Variants in ZIC3 observed in about 807,000 individuals in gnomAD.
The protein encoded by ZIC3 is Zic family zinc finger 3.
In ZIC3, 6 loss-of-function variants were observed where a neutral mutation model predicts 18.3. The observed-to-expected ratio is 0.33, with a 90% CI of 0.18 to 0.65. The LOEUF is 0.65. Among genes scored for constraint, ZIC3 ranks in the 30% least tolerant of loss-of-function variants. ZIC3 has a pLI of 0.75. For missense variants in ZIC3, 260 were observed against 410.0 expected, an observed-to-expected ratio of 0.63 and a Z score of 3.16; for synonymous variants, 175 against 177.0, an observed-to-expected ratio of 0.99 and a Z score of 0.09.
At chrX:137,574,398 T>C (rs1466544795), downstream of ZIC3, among the ~76,000 whole-genome samples, 2 of 113,284 alleles carry the variant, frequency 1.8e-5, no homozygotes, top group Non-Finnish European at 3.8e-5. Context: ...GGGAACAGAC[T>C]TTGAAGTGGG....
chrX:137,568,686 G>GGCCCCCCCCC, intron 1 of ZIC3: 1 of 90,112 alleles, frequency 1.1e-5, no homozygotes. Context: ...GGCCGGCCCC[G>GGCCCCCCCCC]CCCCACCCCC....
chrX:137,566,766 C>G lies in ZIC3; in HGVS notation c.75C>G (p.His25Gln), dbSNP rs61735157. Reference sequence around the variant, plus strand: ...GCAGCTTCGGCGCGCCGCGCCACCACGAGATGCCCAACCGTGAGCCGGCAG... The same window carrying G: ...GCAGCTTCGGCGCGCCGCGCCACCAGGAGATGCCCAACCGTGAGCCGGCAG... Reference protein sequence around the residue: ...GVGSFGAPRHHEMPNREPAGM... With the variant: ...GVGSFGAPRHQEMPNREPAGM... The change falls in exon 1 of 3, where the codon CAC becomes CAG. Residue 25 changes from histidine to glutamine, a missense_variant. Physicochemically the swap from His to Gln is conservative, Grantham distance 24 (BLOSUM62 0). Around this residue, in one of 4 missense-constraint regions of ZIC3, gnomAD observed 183 missense variants for 223.8 expected, o/e 0.82. Coordinates refer to ENST00000287538, the MANE Select transcript of ZIC3 (RefSeq NM_003413.4). 24 of 1,188,750 alleles carry G rather than the reference C, an allele frequency of 2.0e-5. No homozygotes were observed. In the African/African-American group the frequency reaches 2.8e-4, roughly 14 times the overall value.
Position 137,566,446 on chromosome X carries a change from TCTC to T in ZIC3, c.-241_-239del, listed in dbSNP as rs1273655773. ...CTAGTCCGAGTCTTTTCTCCTCCCT[TCTC>T]CTCCCTCCTCCTCCCCCCGCCAACA... is the stretch of plus-strand genomic sequence containing the variant. On this transcript the variant is annotated 5_prime_UTR_variant, in exon 1 of 3. Coordinates refer to ENST00000287538, the MANE Select transcript of ZIC3 (RefSeq NM_003413.4). The T allele has an allele frequency of 7.8e-6, 3 of 385,966 alleles. No individual in the cohort carries two copies. Among genetic ancestry groups the T allele is most frequent in the African/African-American group, 2.6e-5 (1 of 37,904 alleles). The allele number at this position is 385,966 out of a possible 1,213,427, so 31.8% of individuals were successfully genotyped here. A position where few individuals can be genotyped will look rare whatever the true frequency, so the allele number is the denominator to read the frequency against.
At position 137,566,802 on chromosome X, in the gene ZIC3, G is replaced by A. The variant is rs1931350054; in HGVS notation, c.111G>A (p.Leu37=). The A allele has an allele frequency of 2.6e-6, 3 of 1,173,166 alleles. No individual in the cohort carries two copies. The highest frequency in any genetic ancestry group is 3.4e-6 in the Non-Finnish European group (3 of 878,705). ...MPNREPAGMG[L]NPFGDSTHAA... ...ACCGTGAGCCGGCAGGCATGGGGCT[G>A]AATCCCTTCGGGGACTCAACCCACG... is the stretch of plus-strand genomic sequence containing the variant. The change falls in exon 1 of 3, where the codon CTG becomes CTA. Residue 37 remains leucine (L), a synonymous_variant. Coordinates refer to ENST00000287538, the MANE Select transcript of ZIC3 (RefSeq NM_003413.4).
At chrX:137,577,323 A>T (rs2124191589) in exon 3 of ZIC3, 1 of 439,483 alleles carries the variant, frequency 2.3e-6, no homozygotes, top group East Asian at 3.9e-5. Flanking sequence ...CCTTGAAGTG[A>T]TCATTTTAAG....
Position 137,570,520 on chromosome X carries a change from T to G in ZIC3, c.*450T>G. On this transcript the variant is annotated 3_prime_UTR_variant, in exon 3 of 3. Coordinates refer to ENST00000287538, the MANE Select transcript of ZIC3 (RefSeq NM_003413.4). ...CAAAGTCCTGTTATGTCTTGAACTT[T>G]TCCTCAAAGCATTACACTTGTGAAT... 6.7e-6 allele frequency: 1 copy of G among 149,042 alleles called. No homozygotes were observed. Among genetic ancestry groups the G allele is most frequent in the South Asian group, 1.8e-4 (1 of 5,677 alleles). The allele number at this position is 149,042 out of a possible 1,213,427, so 12.3% of individuals were successfully genotyped here. A position where few individuals can be genotyped will look rare whatever the true frequency, so the allele number is the denominator to read the frequency against.
At chrX:137,575,253 G>C (rs1009440171), downstream of ZIC3, among the ~76,000 whole-genome samples, 1 of 111,909 alleles carries the variant, frequency 8.9e-6, no homozygotes, top group Admixed American at 9.4e-5. Flanking sequence ...GCCATTGCGA[G>C]TTCGACCCCT....
At chrX:137,572,122 AT>A (rs761042476), downstream of ZIC3, among the ~76,000 whole-genome samples, 43 of 111,552 alleles carry the variant, frequency 3.9e-4, no homozygotes, top group African/African-American at 1.4e-3. Context: ...TTGGTGCCTG[AT>A]TTTTTTTCAT....
At chrX:137,569,763 C>T (rs945908477) in intron 2 of ZIC3, 128 bp from the exon 3 acceptor site, 3 of 635,190 alleles carry the variant, frequency 4.7e-6, no homozygotes, top group African/African-American at 2.3e-5. Flanking sequence ...TTTTTTTAAG[C>T]AGCATTTTTC....
rs1440930892 is a variant in ZIC3, at chrX:137,571,322, T to C, written c.*1252T>C. On this transcript the variant is annotated 3_prime_UTR_variant, in exon 3 of 3. Coordinates refer to ENST00000287538, the MANE Select transcript of ZIC3 (RefSeq NM_003413.4). ...TCTAGAGATCACCCATATACCTATA[T>C]ATGTTTGTATCTATGACTTATCTAA... 5 of 112,258 alleles carry C rather than the reference T, an allele frequency of 4.5e-5. No homozygotes were observed. The highest frequency in any genetic ancestry group is 7.5e-5 in the Non-Finnish European group (4 of 53,186). The allele number at this position is 112,258 out of a possible 1,213,427, so 9.3% of individuals were successfully genotyped here.
chrX:137,567,821 G>C, intron 1 of ZIC3, 70 bp downstream of exon 1: 8 of 1,208,263 alleles, frequency 6.6e-6, no homozygotes, highest in Non-Finnish European at 9.0e-6. Flanking sequence ...CTTAGAGCGC[G>C]AGGGAGAGAG....
Position 137,567,307 on chromosome X carries a change from C to T in ZIC3, c.616C>T (p.Arg206Cys). The change falls in exon 1 of 3, where the codon CGC becomes TGC. Residue 206 changes from arginine (R) to cysteine (C), a missense_variant. This residue lies in a region of ZIC3 where 183 missense variants were observed against 223.8 expected (regional missense o/e 0.82). Transcript: ENST00000287538. ...CCCATACCGCCCAGTGGCCAGCCCG[C>T]GCACGGACCCCTACGCGGCCGGCGC... Reference protein sequence around the residue: ...ADPYRPVASPRTDPYAAGAQF... With the variant: ...ADPYRPVASPCTDPYAAGAQF... The T allele has an allele frequency of 8.3e-7, 1 of 1,211,507 alleles. No homozygotes were observed. Among genetic ancestry groups the T allele is most frequent in the East Asian group, 3.0e-5 (1 of 33,826 alleles).
downstream of ZIC3, among the ~76,000 whole-genome samples, chrX:137,574,549 G>T (rs1331830445): frequency 8.8e-6 from 1 of 113,210 alleles, no homozygotes; most frequent in Non-Finnish European, 1.9e-5. Flanking sequence ...CCGGGGGCCC[G>T]TAGGCCTCCC....
downstream of ZIC3, among the ~76,000 whole-genome samples, chrX:137,573,310 T>C (rs923064372): frequency 8.9e-6 from 1 of 111,783 alleles, no homozygotes; most frequent in Non-Finnish European, 1.9e-5. Flanking sequence ...TTCCCACTGT[T>C]AGGCAAAAGG....
At chrX:137,572,211 G>C (rs1931449659), downstream of ZIC3, among the ~76,000 whole-genome samples, 1 of 112,254 alleles carries the variant, frequency 8.9e-6, no homozygotes, top group Non-Finnish European at 1.9e-5. Flanking sequence ...CTGTGAATGC[G>C]GTTGAAGCAG....
At chrX:137,569,817 A>T in intron 2 of ZIC3, 74 bp from the exon 3 acceptor site, 2 of 1,055,149 alleles carry the variant, frequency 1.9e-6, no homozygotes, top group Non-Finnish European at 2.6e-6. Context: ...CAGTGCTCGA[A>T]TTCTGCTCTT....
chrX:137,568,915 C>A lies in ZIC3; in HGVS notation c.1074C>A (p.Phe358Leu). ...TGCCTTTTGCAGGTGAGAAACCTTT[C>A]AAATGTGAATTTGAAGGCTGTGACA... is the stretch of plus-strand genomic sequence containing the variant. ...HKRTHTGEKP[F>L]KCEFEGCDRR... Residue 358 changes from phenylalanine to leucine, a missense_variant, in exon 2 of 3, where the codon TTC becomes TTA. Physicochemically the swap from Phe to Leu is conservative, Grantham distance 22. Transcript: ENST00000287538. 1.7e-6 allele frequency: 2 copies of A among 1,210,869 alleles called. No individual in the cohort carries two copies. Among genetic ancestry groups the A allele is most frequent in the Non-Finnish European group, 2.2e-6 (2 of 895,330 alleles).
At chrX:137,567,898 A>G in intron 1 of ZIC3, 147 bp downstream of exon 1, 1 of 1,018,194 alleles carries the variant, frequency 9.8e-7, no homozygotes, top group Non-Finnish European at 1.3e-6. Context: ...GTCAGTGACC[A>G]TCCACCCCTA....
At chrX:137,568,098 G>A (rs1351955708) in intron 1 of ZIC3, among the ~76,000 whole-genome samples, 1 of 113,218 alleles carries the variant, frequency 8.8e-6, no homozygotes, top group Non-Finnish European at 1.9e-5. Flanking sequence ...AAGCGACTTA[G>A]CTCTCGGCAC....
Sources: allele counts gnomAD v4.1 joint callset (sites outside exome capture counted in the v4.1 genomes callset), GRCh38; gene constraint gnomAD v4.1.1; regional missense constraint gnomAD v4.1.1; transcripts MANE v1.5; gene names NCBI Gene and HGNC (gene_info 2026-07-23, HGNC 2026-07-21).